ZC3H18: variants seen among roughly 807,000 people sequenced by gnomAD.
The protein encoded by ZC3H18 is zinc finger CCCH-type containing 18, also known as zinc finger CCCH domain-containing protein 18.
A neutral mutation model predicts 106.1 loss-of-function variants in ZC3H18; 8 were observed. The ratio of observed to expected loss-of-function variants is 0.08; its 90% CI spans 0.04 to 0.14. ZC3H18 has a LOEUF of 0.14. Among genes scored for constraint, ZC3H18 ranks in the 10% least tolerant of loss-of-function variants. The pLI, the probability that ZC3H18 is intolerant of heterozygous loss-of-function variation, is 1.00. For synonymous variants in ZC3H18, 635 were observed against 522.1 expected, an observed-to-expected ratio of 1.22 and a Z score of -2.95; for missense variants, 1,318 against 1,278.4, an observed-to-expected ratio of 1.03 and a Z score of -0.47.
intron 6 of ZC3H18, among the ~76,000 whole-genome samples, chr16:88,603,970 A>G (rs1458275615): frequency 1.3e-5 from 2 of 152,034 alleles, no homozygotes; most frequent in Non-Finnish European, 2.9e-5. Context: ...ATACTTTGCT[A>G]GACAGACGCA....
rs186567424 is a variant in ZC3H18, at chr16:88,622,496, T to C, written c.1667+108T>C. The C allele has an allele frequency of 5.0e-5, 64 of 1,275,178 alleles. No homozygotes were observed. In the African/African-American group the frequency reaches 8.6e-4, roughly 17 times the overall value. The allele number at this position is 1,275,178 out of a possible 1,614,324, so 79.0% of individuals were successfully genotyped here. A position where few individuals can be genotyped will look rare whatever the true frequency, so the allele number is the denominator to read the frequency against. ...GGAACACCCCAGCCCCACTGTTTGCTGTGGCGTCGTTACCTGCAGACCAGT... is the reference window on the plus strand; with the variant it reads ...GGAACACCCCAGCCCCACTGTTTGCCGTGGCGTCGTTACCTGCAGACCAGT... On this transcript the variant is annotated intron_variant, in intron 9 of 17. Coordinates refer to ENST00000301011, the MANE Select transcript of ZC3H18 (RefSeq NM_144604.4).
rs1193130228 is a variant in ZC3H18 at position 88,630,546 on chromosome 16, C to G, written c.2628C>G (p.Gly876=). 6.2e-7 allele frequency: 1 copy of G among 1,612,026 alleles called. No individual in the cohort carries two copies. Among genetic ancestry groups the G allele is most frequent in the South Asian group, 1.1e-5 (1 of 90,728 alleles). The part of the protein sequence containing the change: ...LGSPKPERQR[G]QNSKAPAAPA... ...CCCCGAAGCCAGAGCGGCAGAGAGG[C>G]CAGAACTCCAAAGCCCCTGCAGCCC... Residue 876 remains glycine (G), a synonymous_variant, in exon 17 of 18, where the codon GGC becomes GGG. Transcript: ENST00000301011.
intron 3 of ZC3H18, 91 bp from the exon 4 acceptor site, chr16:88,598,087 C>T (rs1476374948): frequency 1.6e-5 from 6 of 369,738 alleles, no homozygotes; most frequent in South Asian, 1.0e-4. Context: ...GTAAACATGG[C>T]CTCTGCCCCC....
At chr16:88,590,584 A>G (rs1275078184) in intron 3 of ZC3H18, among the ~76,000 whole-genome samples, 3 of 3,506 alleles carry the variant, frequency 8.6e-4, no homozygotes, top group African/African-American at 2.2e-3. Context: ...TTTTTTTGAG[A>G]CAGTGTCTCG....
In ZC3H18 at chr16:88,592,600, G is replaced by A. The variant is rs919415598; in HGVS notation, c.689-5578G>A. ...AACGATTCTCCTGCCTCAGCCTCCCGAGTAGCTGAGATTACAGGCGCATGC... is the reference window on the plus strand; with the variant it reads ...AACGATTCTCCTGCCTCAGCCTCCCAAGTAGCTGAGATTACAGGCGCATGC... On this transcript the variant is annotated intron_variant, in intron 3 of 17. Transcript: ENST00000301011. Among the ~76,000 whole-genome samples, 10 of 152,034 alleles carry A rather than the reference G, an allele frequency of 6.6e-5. No individual in the cohort carries two copies. The South Asian group carries it at 1.9e-3, about 28-fold the overall frequency.
At chr16:88,617,234 C>T (rs1006471799) in intron 8 of ZC3H18, among the ~76,000 whole-genome samples, 1 of 152,178 alleles carries the variant, frequency 6.6e-6, no homozygotes, top group Admixed American at 6.5e-5. Flanking sequence ...AGCTTGTCCC[C>T]GTCGGGATCT....
intron 3 of ZC3H18, among the ~76,000 whole-genome samples, chr16:88,589,477 A>G (rs1056378571): frequency 2.6e-5 from 4 of 152,282 alleles, no homozygotes; most frequent in African/African-American, 9.6e-5. Context: ...CTACTTGGCC[A>G]TAAAGGGAAT....
intron 6 of ZC3H18, among the ~76,000 whole-genome samples, chr16:88,607,271 A>C (rs1905057862): frequency 6.6e-6 from 1 of 152,110 alleles, no homozygotes; most frequent in Non-Finnish European, 1.5e-5. Flanking sequence ...GCACTGGCTT[A>C]ATTATACAGG....
intron 2 of ZC3H18, among the ~76,000 whole-genome samples, chr16:88,582,109 A>G (rs1386696845): frequency 6.6e-6 from 1 of 152,022 alleles, no homozygotes; most frequent in African/African-American, 2.4e-5. Flanking sequence ...TGGGTGGGCC[A>G]CATGACTCCT....
At chr16:88,574,551 G>T (rs1914619165) in intron 1 of ZC3H18, among the ~76,000 whole-genome samples, 2 of 151,180 alleles carry the variant, frequency 1.3e-5, no homozygotes, top group Admixed American at 1.3e-4. Context: ...GTTTGAGTCA[G>T]GGTCTCACTC....
intron 2 of ZC3H18, among the ~76,000 whole-genome samples, chr16:88,584,203 C>T (rs988754951): frequency 3.9e-5 from 6 of 152,086 alleles, no homozygotes; most frequent in African/African-American, 1.4e-4. Context: ...GGGCAGATCA[C>T]CTGAGGTCAG....
Position 88,605,651 on chromosome 16 carries a change from G to A in ZC3H18, c.1089-3283G>A, listed in dbSNP as rs76973521. Among the ~76,000 whole-genome samples, 431 of 152,356 alleles carry A rather than the reference G, an allele frequency of 2.8e-3. 1 individual carries two copies. The highest frequency in any genetic ancestry group is 0.01 in the Middle Eastern group (3 of 294). On this transcript the variant is annotated intron_variant, in intron 6 of 17. Transcript: ENST00000301011. ...ATTGTGTAATATTGCATAACCCTTA[G>A]ATTAAAAGTGAGTAGTGTTAGACAT...
chr16:88,574,166 C>G (rs1332694571), intron 1 of ZC3H18, among the ~76,000 whole-genome samples: 2 of 151,990 alleles, frequency 1.3e-5, no homozygotes, highest in African/African-American at 4.8e-5. Context: ...TGAGCCACCA[C>G]CCTTGGCCCA....
intron 1 of ZC3H18, among the ~76,000 whole-genome samples, chr16:88,574,084 G>A (rs1311739522): frequency 6.6e-6 from 1 of 151,892 alleles, no homozygotes; most frequent in East Asian, 1.9e-4. Context: ...CATTTTGACC[G>A]GGCTTGTCCT....
At chr16:88,630,979 G>T in intron 17 of ZC3H18, 122 bp from the exon 18 acceptor site, 3 of 1,240,220 alleles carry the variant, frequency 2.4e-6, no homozygotes, top group Non-Finnish European at 3.4e-6. Flanking sequence ...GCCATCCAGG[G>T]AGCCCCTTGC....
intron 6 of ZC3H18, among the ~76,000 whole-genome samples, chr16:88,607,879 G>T (rs185525586): frequency 6.6e-6 from 1 of 152,284 alleles, no homozygotes; most frequent in Admixed American, 6.5e-5. Flanking sequence ...CACACACTTT[G>T]TGTCTCTCAG....
chr16:88,630,957 A>G, intron 17 of ZC3H18, 144 bp from the exon 18 acceptor site: 3 of 1,006,230 alleles, frequency 3.0e-6, no homozygotes, highest in Non-Finnish European at 4.4e-6. Flanking sequence ...TGCTTGTGGC[A>G]GTGGGAGCCT....
At chr16:88,578,927 A>T (rs1914937783) in intron 2 of ZC3H18, among the ~76,000 whole-genome samples, 1 of 152,200 alleles carries the variant, frequency 6.6e-6, no homozygotes, top group Non-Finnish European at 1.5e-5. Flanking sequence ...ACCTCAGGTG[A>T]TCCGGCCGTC....
At chr16:88,571,495 C>G (rs1407860044) in intron 1 of ZC3H18, 4 of 465,446 alleles carry the variant, frequency 8.6e-6, no homozygotes, top group Non-Finnish European at 1.1e-5. Flanking sequence ...TCCCGCTTCC[C>G]AGCTTTGGGA....
Sources: gnomAD v4.1 joint callset for allele counts (sites outside exome capture counted in the v4.1 genomes callset) on GRCh38, gnomAD v4.1.1 for gene constraint, MANE v1.5 for transcripts, NCBI Gene and HGNC (gene_info 2026-07-23, HGNC 2026-07-21) for gene names.